RERE: variants seen among roughly 807,000 people sequenced by gnomAD.
RERE encodes arginine-glutamic acid dipeptide repeats.
RERE carries 40 observed loss-of-function variants against 146.1 expected under a neutral mutation model. That is an observed-to-expected ratio of 0.27 (90% CI 0.21 to 0.36). RERE has a LOEUF of 0.36. RERE is among the 10% of genes least tolerant of loss of function. The pLI, the probability that RERE is intolerant of heterozygous loss-of-function variation, is 1.00. For synonymous variants in RERE, 1,003 were observed against 866.0 expected (o/e 1.16, Z -2.78); for missense variants, 1,933 against 2,138.7 (o/e 0.90, Z 1.90).
chr1:8,552,581 T>A (rs892262373), intron 6 of RERE, among the ~76,000 whole-genome samples: 2 of 152,166 alleles, frequency 1.3e-5, no homozygotes, highest in Non-Finnish European at 2.9e-5. Context: ...GAATAAACTA[T>A]GAGAAGAAAA....
At chr1:8,621,039 G>A (rs540793163) in intron 3 of RERE, among the ~76,000 whole-genome samples, 11 of 150,956 alleles carry the variant, frequency 7.3e-5, no homozygotes, top group African/African-American at 2.7e-4. Flanking sequence ...ACCAGTGTAG[G>A]ACGGTGGTGT....
chr1:8,696,099 G>GTT (rs1639324973), intron 1 of RERE, among the ~76,000 whole-genome samples: 1 of 152,166 alleles, frequency 6.6e-6, no homozygotes, highest in Non-Finnish European at 1.5e-5. Flanking sequence ...GTGAGGCTGT[G>GTT]GATAAAAGGG....
At chr1:8,806,949 G>T (rs1641704093) in intron 1 of RERE, 1 of 152,194 alleles carries the variant, frequency 6.6e-6, no homozygotes. Flanking sequence ...TTACCAAAAT[G>T]CCATAGCAGT....
chr1:8,749,415 C>A (rs1336501954), intron 1 of RERE, among the ~76,000 whole-genome samples: 1 of 150,480 alleles, frequency 6.6e-6, no homozygotes, highest in African/African-American at 2.4e-5. Flanking sequence ...GAAAACAACA[C>A]AATTTTGCTC....
chr1:8,719,075 G>A (rs1639813205), intron 1 of RERE, among the ~76,000 whole-genome samples: 1 of 152,170 alleles, frequency 6.6e-6, no homozygotes, highest in Non-Finnish European at 1.5e-5. Flanking sequence ...AAACAGGCAG[G>A]GGGCAGCAAA....
intron 1 of RERE, among the ~76,000 whole-genome samples, chr1:8,677,454 GA>G (rs571192127): frequency 0.045 from 4,591 of 101,554 alleles, 74 homozygotes; most frequent in African/African-American, 0.069. Context: ...AGAAAGAAAA[GA>G]AAAAAAAAAA....
intron 11 of RERE, among the ~76,000 whole-genome samples, chr1:8,433,555 T>C (rs1358967154): frequency 6.8e-6 from 1 of 146,122 alleles, no homozygotes; most frequent in Non-Finnish European, 1.5e-5. Context: ...ATTCATTTCT[T>C]TTTTTTTTTT....
chr1:8,520,064 T>G (rs1214146191), intron 7 of RERE, among the ~76,000 whole-genome samples: 1 of 152,078 alleles, frequency 6.6e-6, no homozygotes, highest in Non-Finnish European at 1.5e-5. Context: ...CAATCAAAAA[T>G]AAAACTAAAA....
chr1:8,544,021 C>G (rs1645829696), intron 6 of RERE, among the ~76,000 whole-genome samples: 1 of 152,162 alleles, frequency 6.6e-6, no homozygotes, highest in African/African-American at 2.4e-5. Flanking sequence ...TTGGCTAGTT[C>G]CTGATGTCAG....
chr1:8,508,476 G>A, intron 8 of RERE, 151 bp downstream of exon 8: 1 of 621,456 alleles, frequency 1.6e-6, no homozygotes, highest in Non-Finnish European at 2.9e-6. Flanking sequence ...TGTATGTGGT[G>A]ATCTGAGGAG....
At chr1:8,738,070 C>G (rs747343716) in intron 1 of RERE, among the ~76,000 whole-genome samples, 16 of 152,094 alleles carry the variant, frequency 1.1e-4, no homozygotes, top group Non-Finnish European at 2.1e-4. Flanking sequence ...CAAACCATGA[C>G]CCCGCTGTGG....
intron 1 of RERE, among the ~76,000 whole-genome samples, chr1:8,687,561 A>G (rs1038412932): frequency 3.9e-5 from 6 of 152,240 alleles, no homozygotes; most frequent in Non-Finnish European, 5.9e-5. Flanking sequence ...ACTTTCTACT[A>G]TAAATAAAAA....
At chr1:8,686,042 CA>C (rs1401128341) in intron 1 of RERE, among the ~76,000 whole-genome samples, 1 of 151,534 alleles carries the variant, frequency 6.6e-6, no homozygotes, top group Non-Finnish European at 1.5e-5. Flanking sequence ...AGAGCAGTAG[CA>C]CGATCTCAGC....
chr1:8,526,788 C>CA (rs1460210822), intron 7 of RERE, among the ~76,000 whole-genome samples: 2 of 151,998 alleles, frequency 1.3e-5, no homozygotes, highest in Non-Finnish European at 2.9e-5. Flanking sequence ...CATGAACATC[C>CA]AAAAATCTCA....
chr1:8,573,082 T>C (rs1646242235), intron 4 of RERE, among the ~76,000 whole-genome samples: 1 of 152,224 alleles, frequency 6.6e-6, no homozygotes, highest in Admixed American at 6.5e-5. Flanking sequence ...AGCGTGTTCA[T>C]GAAAACTCCC....
At chr1:8,665,855 C>T (rs1238073984) in intron 1 of RERE, among the ~76,000 whole-genome samples, 11 of 152,116 alleles carry the variant, frequency 7.2e-5, no homozygotes, top group Admixed American at 6.5e-4. Flanking sequence ...AGAAAAAAGA[C>T]ACAACAAATA....
chr1:8,389,718 C>T lies in RERE; in HGVS notation c.1285-23744G>A, dbSNP rs368434689. On this transcript the variant is annotated intron_variant, in intron 12 of 22. Transcript: ENST00000400908. ...ACCACGGAAGGTCGCATGGAGGGAACCTCACCACTTCCCTCTATAAATGAA... is the reference window on the plus strand; with the variant it reads ...ACCACGGAAGGTCGCATGGAGGGAATCTCACCACTTCCCTCTATAAATGAA... Among the ~76,000 whole-genome samples, 46 of 152,322 alleles carry T rather than the reference C, an allele frequency of 3.0e-4. No homozygotes were observed. The South Asian group carries it at 8.5e-3, about 28-fold the overall frequency.
chr1:8,548,069 G>C (rs1288383271), intron 6 of RERE, among the ~76,000 whole-genome samples: 1 of 152,212 alleles, frequency 6.6e-6, no homozygotes, highest in African/African-American at 2.4e-5. Flanking sequence ...ACAATATACT[G>C]TCATCAAGTG....
At chr1:8,575,646 C>G (rs1269368317) in intron 4 of RERE, among the ~76,000 whole-genome samples, 1 of 150,298 alleles carries the variant, frequency 6.7e-6, no homozygotes, top group Non-Finnish European at 1.5e-5. Flanking sequence ...CCCCCAACCT[C>G]GGCCTCCAAA....
Sources: gnomAD v4.1 joint callset for allele counts (sites outside exome capture counted in the v4.1 genomes callset) on GRCh38, gnomAD v4.1.1 for gene constraint, MANE v1.5 for transcripts, NCBI Gene and HGNC (gene_info 2026-07-23, HGNC 2026-07-21) for gene names.